The following NCALD variants were observed in gnomAD, a reference collection of about 807,000 sequenced individuals.
The protein encoded by NCALD is neurocalcin-delta.
In NCALD, 10 loss-of-function variants were observed where a neutral mutation model predicts 18.6. The ratio of observed to expected loss-of-function variants is 0.54; its 90% CI spans 0.33 to 0.91. The LOEUF (loss-of-function observed/expected upper bound fraction) is 0.91. NCALD is among the 40% of genes least tolerant of loss of function. The probability of loss-of-function intolerance (pLI) is 0.03; values close to 1 mark genes in which losing one functional copy is unlikely to be tolerated. For missense variants in NCALD, 184 were observed against 247.6 expected (o/e 0.74, Z 1.72); for synonymous variants, 88 against 87.4 (o/e 1.01, Z -0.04).
At chr8:101,782,673 G>A (rs984509672) in intron 1 of NCALD, among the ~76,000 whole-genome samples, 1 of 152,168 alleles carries the variant, frequency 6.6e-6, no homozygotes, top group Non-Finnish European at 1.5e-5. Context: ...TCTCAATGAA[G>A]GATTATCCTT....
At chr8:101,690,577 C>T in intron 3 of NCALD, 1 of 985,434 alleles carries the variant, frequency 1.0e-6, no homozygotes, top group Middle Eastern at 5.2e-4. Context: ...GGGGGCCTCC[C>T]CCAACAGAAA....
intron 2 of NCALD, among the ~76,000 whole-genome samples, chr8:101,976,423 TC>T (rs1820425194): frequency 6.6e-6 from 1 of 151,886 alleles, no homozygotes; most frequent in South Asian, 2.1e-4. Flanking sequence ...TAGCAAAACT[TC>T]CCTCCCCTTC....
At chr8:101,889,364 G>A (rs1314116403) in intron 3 of NCALD, among the ~76,000 whole-genome samples, 2 of 152,198 alleles carry the variant, frequency 1.3e-5, no homozygotes, top group Admixed American at 6.5e-5. Flanking sequence ...AATCCTAACT[G>A]ATAGGAAGAG....
chr8:101,991,238 G>A (rs1378294372), intron 2 of NCALD, among the ~76,000 whole-genome samples: 1 of 152,116 alleles, frequency 6.6e-6, no homozygotes, highest in Admixed American at 6.5e-5. Flanking sequence ...GGCAATCAGA[G>A]AAACTATACA....
At position 101,719,289 on chromosome 8, in the gene NCALD, C is replaced by CTA; in HGVS notation, c.340_341insTA (p.Gly114ValfsTer10). ...TAGCATCTCTGCCTTGCTGATATAG[C>CTA]CATTTCCGTCCAGGTCGTACATGCT... On this transcript the variant is annotated frameshift_variant, in exon 2 of 4. Transcript: ENST00000220931. LOFTEE classifies it high-confidence loss of function. 2 of 1,614,108 alleles carry CTA rather than the reference C, an allele frequency of 1.2e-6. No individual in the cohort carries two copies. Among genetic ancestry groups the CTA allele is most frequent in the Non-Finnish European group, 1.7e-6 (2 of 1,179,998 alleles).
intron 1 of NCALD, among the ~76,000 whole-genome samples, chr8:102,078,867 G>C (rs1394955252): frequency 6.6e-6 from 1 of 152,196 alleles, no homozygotes; most frequent in Non-Finnish European, 1.5e-5. Flanking sequence ...ATTATTGCCT[G>C]AATCTTCCAC....
intron 1 of NCALD, among the ~76,000 whole-genome samples, chr8:102,063,869 C>T (rs191213345): frequency 1.3e-5 from 2 of 152,196 alleles, no homozygotes; most frequent in Non-Finnish European, 2.9e-5. Context: ...ACAGCTCCTG[C>T]TTCATCCTGA....
chr8:101,862,147 T>C (rs571663039), intron 4 of NCALD, among the ~76,000 whole-genome samples: 4 of 152,250 alleles, frequency 2.6e-5, no homozygotes, highest in African/African-American at 9.6e-5. Flanking sequence ...AATTAGAAGT[T>C]ACTGTGACTT....
chr8:101,970,575 G>A (rs1318053270), intron 2 of NCALD, among the ~76,000 whole-genome samples: 1 of 152,124 alleles, frequency 6.6e-6, no homozygotes, highest in Non-Finnish European at 1.5e-5. Flanking sequence ...CTACACAGTT[G>A]TTAAGTTTCA....
intron 2 of NCALD, among the ~76,000 whole-genome samples, chr8:102,014,984 T>C (rs1182285358): frequency 6.6e-6 from 1 of 152,152 alleles, no homozygotes; most frequent in Non-Finnish European, 1.5e-5. Flanking sequence ...TGGACCACCC[T>C]TTGAATACCA....
chr8:102,026,087 C>T (rs928230824), intron 1 of NCALD, among the ~76,000 whole-genome samples: 25 of 152,128 alleles, frequency 1.6e-4, no homozygotes, highest in African/African-American at 6.0e-4. Context: ...TGCCTCCCAC[C>T]AGATCCCACC....
At chr8:102,035,200 C>T (rs1433240881) in intron 1 of NCALD, among the ~76,000 whole-genome samples, 1 of 151,910 alleles carries the variant, frequency 6.6e-6, no homozygotes, top group East Asian at 1.9e-4. Flanking sequence ...ATCACCTGGT[C>T]TCTGCTGGAA....
At chr8:101,981,219 C>T (rs896208894) in intron 2 of NCALD, among the ~76,000 whole-genome samples, 3 of 152,120 alleles carry the variant, frequency 2.0e-5, no homozygotes, top group Non-Finnish European at 4.4e-5. Flanking sequence ...TCCTTAGTGC[C>T]TATTCTGAAA....
intron 1 of NCALD, among the ~76,000 whole-genome samples, chr8:102,054,142 G>A (rs1352264885): frequency 6.6e-6 from 1 of 152,176 alleles, no homozygotes; most frequent in Non-Finnish European, 1.5e-5. Context: ...CGTTCAGTCA[G>A]AAACACATGC....
At chr8:102,123,608 C>T (rs1360967386) in intron 1 of NCALD, among the ~76,000 whole-genome samples, 5 of 152,194 alleles carry the variant, frequency 3.3e-5, no homozygotes, top group African/African-American at 1.2e-4. Context: ...CACATCTCCC[C>T]AGCACACCCT....
In NCALD at chr8:101,730,521, C is replaced by T. The variant is rs1816781201; in HGVS notation, c.-19-10873G>A. Among the ~76,000 whole-genome samples, 6 of 142,066 alleles carry T rather than the reference C, an allele frequency of 4.2e-5. No homozygotes were observed. In the South Asian group the frequency reaches 1.1e-3, roughly 27 times the overall value. The allele number at this position is 142,066 out of a possible 152,430, so 93.2% of individuals were successfully genotyped here. A position where few individuals can be genotyped will look rare whatever the true frequency, so the allele number is the denominator to read the frequency against. The stretch of plus-strand genomic sequence containing the variant: ...AAAAAAAAAGAATACTGTGGAAATT[C>T]CTCCATGTTATACATATAGATGTAG... On this transcript the variant is annotated intron_variant, in intron 1 of 3. Transcript: ENST00000220931.
At chr8:102,028,611 A>T (rs1001179954) in intron 1 of NCALD, among the ~76,000 whole-genome samples, 1 of 152,176 alleles carries the variant, frequency 6.6e-6, no homozygotes, top group African/African-American at 2.4e-5. Flanking sequence ...AATCAAAACT[A>T]ATCTGGTTAG....
At chr8:101,801,728 A>G (rs56074625) in intron 4 of NCALD, among the ~76,000 whole-genome samples, 3,092 of 125,008 alleles carry the variant, frequency 0.025, 52 homozygotes, top group Middle Eastern at 0.073. Flanking sequence ...GTGCAGTGGC[A>G]CTATCTCGGC....
chr8:102,007,807 T>C (rs1034529323), intron 2 of NCALD, among the ~76,000 whole-genome samples: 4 of 152,144 alleles, frequency 2.6e-5, no homozygotes, highest in Admixed American at 6.5e-5. Flanking sequence ...AACTTTGAGT[T>C]TCCAAGAAGG....
Sources: gnomAD v4.1 joint callset for allele counts (sites outside exome capture counted in the v4.1 genomes callset) on GRCh38, gnomAD v4.1.1 for gene constraint, MANE v1.5 for transcripts, NCBI Gene and HGNC (gene_info 2026-07-23, HGNC 2026-07-21) for gene names.